Variants in GPM6A observed in about 807,000 individuals in gnomAD.
The protein encoded by GPM6A is glycoprotein M6A, also known as neuronal membrane glycoprotein M6-a.
A neutral mutation model predicts 32.1 loss-of-function variants in GPM6A; 7 were observed. The ratio of observed to expected loss-of-function variants is 0.22; its 90% CI spans 0.12 to 0.41. The LOEUF is 0.41. GPM6A is among the 10% of genes least tolerant of loss of function. GPM6A has a pLI of 1.00. For synonymous variants in GPM6A, 130 were observed against 123.4 expected (o/e 1.05, Z -0.35); for missense variants, 235 against 347.2 (o/e 0.68, Z 2.57).
intron 1 of GPM6A, among the ~76,000 whole-genome samples, chr4:175,877,738 C>T (rs964788927): frequency 4.6e-5 from 7 of 152,118 alleles, no homozygotes; most frequent in East Asian, 3.9e-4. Flanking sequence ...CATTCTGCCC[C>T]GGCCCCTCCC....
At chr4:175,785,825 C>T (rs1733776004) in intron 1 of GPM6A, among the ~76,000 whole-genome samples, 1 of 152,104 alleles carries the variant, frequency 6.6e-6, no homozygotes, top group Non-Finnish European at 1.5e-5. Flanking sequence ...CAGCTAGTTA[C>T]AGAACACGTG....
At chr4:175,676,957 T>C (rs1743404406) in intron 2 of GPM6A, among the ~76,000 whole-genome samples, 2 of 152,170 alleles carry the variant, frequency 1.3e-5, no homozygotes, top group Admixed American at 1.3e-4. Flanking sequence ...CAATTAAAAC[T>C]GGTCACATAT....
At chr4:175,707,441 GATTACACAAATTAACTCA>G (rs1745261778) in intron 1 of GPM6A, among the ~76,000 whole-genome samples, 1 of 152,140 alleles carries the variant, frequency 6.6e-6, no homozygotes, top group Non-Finnish European at 1.5e-5. Flanking sequence ...CAGTTTGTCT[GATTACACAAATTAACTCA>G]TTGGGATTCT....
At chr4:175,923,052 C>T (rs1273183490) in intron 1 of GPM6A, among the ~76,000 whole-genome samples, 1 of 151,800 alleles carries the variant, frequency 6.6e-6, no homozygotes, top group African/African-American at 2.4e-5. Context: ...ATCATAATAA[C>T]ATGACTTCAT....
upstream of GPM6A, chr4:175,813,226 G>A (rs183097673): frequency 2.4e-4 from 60 of 249,200 alleles, 1 homozygote; most frequent in Admixed American, 3.9e-3. Flanking sequence ...AATGAGAAGA[G>A]TGATGTAAGG....
intron 1 of GPM6A, among the ~76,000 whole-genome samples, chr4:175,940,908 T>C (rs1311135550): frequency 1.3e-5 from 2 of 152,212 alleles, no homozygotes; most frequent in African/African-American, 2.4e-5. Flanking sequence ...TGCCCAGGTA[T>C]ATCTTCTTTA....
chr4:175,636,719 C>G (rs1426080573), intron 6 of GPM6A, among the ~76,000 whole-genome samples: 5 of 150,752 alleles, frequency 3.3e-5, no homozygotes, highest in East Asian at 3.9e-4. Flanking sequence ...TGGATTGAAC[C>G]TGGGAGGCAG....
Position 175,695,581 on chromosome 4 carries a change from G to A in GPM6A, c.230+5994C>T, listed in dbSNP as rs1244087957. On this transcript the variant is annotated intron_variant, in intron 2 of 6. Coordinates refer to ENST00000393658, the MANE Select transcript of GPM6A (RefSeq NM_201591.3). ...TCAGCTTTTCTCCCTTTTGAAATTG[G>A]AGTATTTACCCAATGCCTGTAACTC... 2.6e-5 allele frequency among the ~76,000 whole-genome samples: 4 copies of A among 152,144 alleles called. No homozygotes were observed. In the East Asian group the frequency reaches 7.7e-4, roughly 29 times the overall value.
At chr4:175,745,245 A>T (rs79805838) in intron 1 of GPM6A, among the ~76,000 whole-genome samples, 13,071 of 152,274 alleles carry the variant, frequency 0.086, 669 homozygotes, top group South Asian at 0.16. Context: ...ATCGCCTAAG[A>T]CTACAGGTAT....
intron 1 of GPM6A, among the ~76,000 whole-genome samples, chr4:175,971,202 T>C (rs1440012318): frequency 6.6e-6 from 1 of 151,468 alleles, no homozygotes; most frequent in Admixed American, 6.6e-5. Context: ...AACTGTAGGC[T>C]GCAAGGTTAA....
chr4:175,711,183 T>A (rs1745506295), intron 1 of GPM6A, among the ~76,000 whole-genome samples: 2 of 151,854 alleles, frequency 1.3e-5, no homozygotes, highest in Admixed American at 6.6e-5. Flanking sequence ...GCATATTTGT[T>A]TCAAAACTTC....
At chr4:175,675,548 ATT>A (rs1743315489) in intron 2 of GPM6A, among the ~76,000 whole-genome samples, 1 of 152,198 alleles carries the variant, frequency 6.6e-6, no homozygotes, top group African/African-American at 2.4e-5. Flanking sequence ...TATGAAACAA[ATT>A]TACACTTTCA....
intron 1 of GPM6A, among the ~76,000 whole-genome samples, chr4:175,959,006 TAAA>T (rs1257001756): frequency 1.3e-5 from 2 of 152,106 alleles, no homozygotes; most frequent in African/African-American, 4.8e-5. Flanking sequence ...CAGGTTTTTT[TAAA>T]AAACAGTTTC....
intron 1 of GPM6A, among the ~76,000 whole-genome samples, chr4:175,920,911 T>C (rs940202966): frequency 3.3e-5 from 5 of 152,164 alleles, no homozygotes; most frequent in Non-Finnish European, 5.9e-5. Flanking sequence ...TTGAATTATA[T>C]TGACATGTGT....
intron 1 of GPM6A, among the ~76,000 whole-genome samples, chr4:175,775,069 G>A (rs1353397): frequency 0.75 from 114,407 of 151,718 alleles, 43,312 homozygotes; most frequent in East Asian, 0.89. Context: ...AGCGTGTAAA[G>A]TCTACCATGG....
chr4:175,758,421 G>A (rs145618736), intron 1 of GPM6A, among the ~76,000 whole-genome samples: 84 of 152,186 alleles, frequency 5.5e-4, no homozygotes, highest in African/African-American at 1.8e-3. Context: ...GATGAAAGTC[G>A]TAAGTTTAGC....
intron 3 of GPM6A, among the ~76,000 whole-genome samples, chr4:175,670,123 C>A (rs1302354252): frequency 6.6e-6 from 1 of 152,120 alleles, no homozygotes; most frequent in African/African-American, 2.4e-5. Flanking sequence ...TGTGGTAGCC[C>A]TAGCAAACTA....
intron 1 of GPM6A, among the ~76,000 whole-genome samples, chr4:175,953,465 G>A (rs1355350105): frequency 6.6e-6 from 1 of 152,180 alleles, no homozygotes; most frequent in Non-Finnish European, 1.5e-5. Context: ...CCAATTGCCT[G>A]TAAAGCAGTG....
intron 4 of GPM6A, among the ~76,000 whole-genome samples, chr4:175,647,280 T>C (rs1228774118): frequency 6.6e-6 from 1 of 152,186 alleles, no homozygotes; most frequent in Non-Finnish European, 1.5e-5. Context: ...ATCTAGATGA[T>C]GTAATGAGGA....
Sources: allele counts gnomAD v4.1 joint callset (sites outside exome capture counted in the v4.1 genomes callset), GRCh38; gene constraint gnomAD v4.1.1; transcripts MANE v1.5; gene names NCBI Gene and HGNC (gene_info 2026-07-23, HGNC 2026-07-21).